The following BNC2 variants were observed in gnomAD, a reference collection of about 807,000 sequenced individuals.
BNC2 encodes the protein basonuclin zinc finger protein 2, also known as zinc finger protein basonuclin-2.
A neutral mutation model predicts 76.3 loss-of-function variants in BNC2; 20 were observed. The ratio of observed to expected loss-of-function variants is 0.26; its 90% CI spans 0.18 to 0.38. BNC2 has a LOEUF of 0.38. BNC2 is among the 10% of genes least tolerant of loss of function. BNC2 has a pLI of 1.00. For missense variants in BNC2, 1,382 were observed against 1,399.8 expected, an observed-to-expected ratio of 0.99 and a Z score of 0.20; for synonymous variants, 582 against 514.8, an observed-to-expected ratio of 1.13 and a Z score of -1.77.
chr9:16,498,965 C>G (rs943357816), intron 5 of BNC2, among the ~76,000 whole-genome samples: 3 of 152,146 alleles, frequency 2.0e-5, no homozygotes, highest in African/African-American at 7.2e-5. Context: ...TCTACAAATA[C>G]TAGACAGATT....
At chr9:16,814,152 G>A (rs1032708244) in intron 1 of BNC2, among the ~76,000 whole-genome samples, 1 of 152,210 alleles carries the variant, frequency 6.6e-6, no homozygotes. Context: ...GACACTTGCA[G>A]TAAGATGAAG....
chr9:16,590,651 T>C (rs531604603), intron 3 of BNC2, among the ~76,000 whole-genome samples: 1 of 151,978 alleles, frequency 6.6e-6, no homozygotes. Context: ...TATAAAAATA[T>C]GAAAAATTCG....
At chr9:16,478,985 C>G (rs1821986681) in intron 5 of BNC2, among the ~76,000 whole-genome samples, 1 of 152,194 alleles carries the variant, frequency 6.6e-6, no homozygotes, top group African/African-American at 2.4e-5. Flanking sequence ...GGCACGGTGG[C>G]TCACGCCTGT....
chr9:16,505,039 C>T (rs1045127897), intron 5 of BNC2, among the ~76,000 whole-genome samples: 2 of 152,204 alleles, frequency 1.3e-5, no homozygotes, highest in East Asian at 1.9e-4. Context: ...CCACTCACAA[C>T]GTAAGTTGAG....
chr9:16,570,521 A>G (rs1008089277), intron 4 of BNC2, among the ~76,000 whole-genome samples: 3 of 152,202 alleles, frequency 2.0e-5, no homozygotes, highest in Admixed American at 2.0e-4. Flanking sequence ...ACTGCTTTGT[A>G]TCAGTAACCG....
chr9:16,462,925 T>C (rs1015235919), intron 5 of BNC2, among the ~76,000 whole-genome samples: 2 of 152,158 alleles, frequency 1.3e-5, no homozygotes, highest in African/African-American at 4.8e-5. Flanking sequence ...GATGTCCTAG[T>C]TTTATGCCCA....
At chr9:16,838,121 A>C (rs1818749235) in intron 1 of BNC2, among the ~76,000 whole-genome samples, 1 of 152,246 alleles carries the variant, frequency 6.6e-6, no homozygotes, top group African/African-American at 2.4e-5. Flanking sequence ...GTCTACTTAA[A>C]TAAGGCATAC....
chr9:16,592,412 A>G (rs1292702340), intron 3 of BNC2, among the ~76,000 whole-genome samples: 1 of 152,172 alleles, frequency 6.6e-6, no homozygotes, highest in African/African-American at 2.4e-5. Context: ...AAAAACACTA[A>G]GCTGAGTTGC....
chr9:16,445,292 A>G (rs1340594680), intron 5 of BNC2, among the ~76,000 whole-genome samples: 2 of 152,216 alleles, frequency 1.3e-5, no homozygotes, highest in Admixed American at 6.5e-5. Flanking sequence ...CACAATATAC[A>G]TCAGAGCACT....
chr9:16,745,458 G>A (rs560594282), intron 1 of BNC2, among the ~76,000 whole-genome samples: 18 of 152,284 alleles, frequency 1.2e-4, no homozygotes, highest in African/African-American at 3.4e-4. Context: ...TAACAGAAAC[G>A]TATGTTCCTT....
intron 1 of BNC2, among the ~76,000 whole-genome samples, chr9:16,781,034 T>C (rs2135550908): frequency 6.6e-6 from 1 of 152,140 alleles, no homozygotes; most frequent in Non-Finnish European, 1.5e-5. Flanking sequence ...AGAGAAGCTA[T>C]CTCCAGATAA....
intron 2 of BNC2, among the ~76,000 whole-genome samples, chr9:16,738,094 G>T (rs1824732100): frequency 6.6e-6 from 1 of 152,134 alleles, no homozygotes; most frequent in South Asian, 2.1e-4. Flanking sequence ...AGAAGTAAGT[G>T]CAGGGAGAGA....
At chr9:16,473,334 A>C (rs1821863570) in intron 5 of BNC2, 1 of 152,226 alleles carries the variant, frequency 6.6e-6, no homozygotes, top group Non-Finnish European at 1.5e-5. Flanking sequence ...AACAAGAAAC[A>C]AACCGGAAAG....
Position 16,412,618 on chromosome 9 carries a change from G to A in BNC2, c.*6371C>T, listed in dbSNP as rs1820485804. ...TGTTACTGTCCACTTAATAGCTGGA[G>A]AGGGCATCGAGAGGCAGCCTTGGGC... On this transcript the variant is annotated 3_prime_UTR_variant, in exon 7 of 7. Coordinates refer to ENST00000380672, the MANE Select transcript of BNC2 (RefSeq NM_017637.6). The A allele has an allele frequency of 6.6e-6, 1 of 152,578 alleles. No homozygotes were observed. Among genetic ancestry groups the A allele is most frequent in the Admixed American group, 6.6e-5 (1 of 15,266 alleles). 9.5% of individuals were successfully genotyped at this position (152,578 alleles called of 1,614,324 possible).
At chr9:16,556,035 C>G (rs771732456) in intron 4 of BNC2, among the ~76,000 whole-genome samples, 2 of 152,174 alleles carry the variant, frequency 1.3e-5, no homozygotes, top group Non-Finnish European at 2.9e-5. Flanking sequence ...TGCAGTGGCT[C>G]ACACCTGTAA....
At chr9:16,600,746 G>C (rs112064776) in intron 3 of BNC2, among the ~76,000 whole-genome samples, 2 of 152,068 alleles carry the variant, frequency 1.3e-5, no homozygotes, top group African/African-American at 4.8e-5. Context: ...GGTGGCGAGA[G>C]TCTTCTGGTG....
intron 3 of BNC2, among the ~76,000 whole-genome samples, chr9:16,612,682 A>C (rs1820582895): frequency 6.6e-6 from 1 of 152,204 alleles, no homozygotes; most frequent in South Asian, 2.1e-4. Context: ...CCTGACCACA[A>C]ATAACTATAC....
chr9:16,430,581 T>G (rs1820889727), intron 6 of BNC2, among the ~76,000 whole-genome samples: 1 of 152,212 alleles, frequency 6.6e-6, no homozygotes, highest in African/African-American at 2.4e-5. Context: ...GGTAACATGT[T>G]TTCGCATCTT....
In BNC2 at chr9:16,692,797, G is replaced by A. The variant is rs187472800; in HGVS notation, c.330+35000C>T. Among the ~76,000 whole-genome samples the A allele has an allele frequency of 5.1e-3, 773 of 152,242 alleles. 6 individuals are homozygous for A. The highest frequency in any genetic ancestry group is 7.6e-3 in the Non-Finnish European group (517 of 68,018). ...GAGTGATGCTGTGTTTGGAATGACC[G>A]AAAAGATCGCTGTCAGCTCAGAGGG... On this transcript the variant is annotated intron_variant, in intron 3 of 6. Coordinates refer to ENST00000380672, the MANE Select transcript of BNC2 (RefSeq NM_017637.6).
Sources: allele counts gnomAD v4.1 joint callset (sites outside exome capture counted in the v4.1 genomes callset), GRCh38; gene constraint gnomAD v4.1.1; transcripts MANE v1.5; gene names NCBI Gene and HGNC (gene_info 2026-07-23, HGNC 2026-07-21).